Variants in NTRK2 observed in about 807,000 individuals in gnomAD.
The protein encoded by NTRK2 is neurotrophic receptor tyrosine kinase 2.
In NTRK2, 13 loss-of-function variants were observed where a neutral mutation model predicts 94.5. The observed-to-expected ratio is 0.14, with a 90% confidence interval of 0.09 to 0.22. The LOEUF is 0.22. Ranked by LOEUF, NTRK2 falls within the 10% of genes least tolerant of loss-of-function variation. NTRK2 has a pLI of 1.00. For synonymous variants in NTRK2, 372 were observed against 407.4 expected, an observed-to-expected ratio of 0.91 and a Z score of 1.05; for missense variants, 639 against 1,071.2, an observed-to-expected ratio of 0.60 and a Z score of 5.63.
chr9:84,811,460 A>G (rs2071778342), intron 12 of NTRK2: 1 of 1,065,572 alleles, frequency 9.4e-7, no homozygotes, highest in Admixed American at 5.3e-5. Flanking sequence ...GCCCTTTTTT[A>G]TTTGCCCTCT....
intron 15 of NTRK2, among the ~76,000 whole-genome samples, chr9:84,939,826 T>C (rs903087668): frequency 5.9e-5 from 9 of 152,138 alleles, no homozygotes; most frequent in Non-Finnish European, 1.5e-5. Context: ...GAATGAACGA[T>C]TCTCTTTCTC....
chr9:84,929,127 A>G (rs1484049421), intron 14 of NTRK2, among the ~76,000 whole-genome samples: 1 of 152,212 alleles, frequency 6.6e-6, no homozygotes, highest in Non-Finnish European at 1.5e-5. Flanking sequence ...TACTTTATCT[A>G]TTGCCTGTGT....
chr9:84,698,530 A>G (rs949504569), intron 2 of NTRK2, among the ~76,000 whole-genome samples: 2 of 152,172 alleles, frequency 1.3e-5, no homozygotes, highest in African/African-American at 4.8e-5. Context: ...TTGAGTCCAT[A>G]TGTGAGAACT....
intron 17 of NTRK2, among the ~76,000 whole-genome samples, chr9:85,013,327 G>A (rs1305392720): frequency 6.6e-6 from 1 of 152,098 alleles, no homozygotes; most frequent in Non-Finnish European, 1.5e-5. Context: ...TTCTGAGATG[G>A]AGTCTCACTC....
chr9:84,929,514 T>A lies in NTRK2; in HGVS notation c.1634-4648T>A, dbSNP rs12001451. The stretch of plus-strand genomic sequence containing the variant: ...TTTTTTTTAAATTAAGTGATTGTTT[T>A]GAGTTTTCCTTCAAATCTAGGAAGT... On this transcript the variant is annotated intron_variant, in intron 14 of 18. Coordinates refer to ENST00000277120, the MANE Select transcript of NTRK2 (RefSeq NM_006180.6). Among the ~76,000 whole-genome samples the A allele has an allele frequency of 8.6e-3, 1,302 of 152,280 alleles. 12 individuals carry two copies. Among genetic ancestry groups the A allele is most frequent in the African/African-American group, 0.03 (1,243 of 41,554 alleles).
intron 17 of NTRK2, among the ~76,000 whole-genome samples, chr9:84,989,257 A>T (rs1303878443): frequency 9.2e-5 from 14 of 152,174 alleles, no homozygotes. Context: ...CTTCTCTGAA[A>T]ATTATCTCTT....
At chr9:84,760,465 A>G (rs2065455984) in intron 12 of NTRK2, among the ~76,000 whole-genome samples, 1 of 152,326 alleles carries the variant, frequency 6.6e-6, no homozygotes, top group Admixed American at 6.5e-5. Context: ...TTCCAGGTTT[A>G]TTAGTTGAGT....
intron 12 of NTRK2, among the ~76,000 whole-genome samples, chr9:84,821,211 T>C (rs559686849): frequency 6.6e-6 from 1 of 152,352 alleles, no homozygotes; most frequent in Non-Finnish European, 1.5e-5. Flanking sequence ...TTGTCTTTTC[T>C]TTAATTTTCA....
chr9:84,836,013 C>T (rs979646570), intron 12 of NTRK2, among the ~76,000 whole-genome samples: 1 of 152,032 alleles, frequency 6.6e-6, no homozygotes, highest in African/African-American at 2.4e-5. Flanking sequence ...AATGCTAGAT[C>T]CCATCACATT....
At chr9:84,750,820 C>T (rs1203036732) in intron 11 of NTRK2, among the ~76,000 whole-genome samples, 3 of 152,136 alleles carry the variant, frequency 2.0e-5, no homozygotes, top group South Asian at 2.1e-4. Context: ...CACATAGTGC[C>T]GCTGACAACT....
chr9:84,832,833 G>A (rs555981037), intron 12 of NTRK2, among the ~76,000 whole-genome samples: 18 of 152,234 alleles, frequency 1.2e-4, no homozygotes, highest in Non-Finnish European at 2.2e-4. Context: ...TGTTTGAATC[G>A]CAGGGAGGAG....
intron 12 of NTRK2, among the ~76,000 whole-genome samples, chr9:84,797,939 AAT>A (rs991356433): frequency 7.2e-6 from 1 of 138,582 alleles, no homozygotes; most frequent in Admixed American, 8.3e-5. Flanking sequence ...CTATTAGTAA[AAT>A]ATATAAAGTA....
intron 15 of NTRK2, among the ~76,000 whole-genome samples, chr9:84,939,295 G>A (rs1038970895): frequency 6.6e-6 from 1 of 152,074 alleles, no homozygotes; most frequent in Non-Finnish European, 1.5e-5. Context: ...CCACCATTTT[G>A]CCAATGAAGA....
rs572667201 is a variant in NTRK2 at position 84,773,201 on chromosome 9, A to G, written c.1396+21116A>G. 5.3e-5 allele frequency among the ~76,000 whole-genome samples: 8 copies of G among 152,316 alleles called. No individual in the cohort carries two copies. The South Asian group carries it at 1.7e-3, about 32-fold the overall frequency. ...GTTTTAATGGACTGTAAATGCTTGC[A>G]TGGGCATGCTTGTTAAATGACTAAT... is the stretch of plus-strand genomic sequence containing the variant. On this transcript the variant is annotated intron_variant, in intron 12 of 18. Transcript: ENST00000277120.
intron 2 of NTRK2, among the ~76,000 whole-genome samples, chr9:84,677,495 C>T (rs776360381): frequency 3.3e-5 from 5 of 152,056 alleles, no homozygotes; most frequent in East Asian, 1.9e-4. Context: ...TCCCATGGGA[C>T]GTGAAGGGCC....
intron 12 of NTRK2, chr9:84,813,797 T>G: frequency 1.9e-6 from 2 of 1,065,932 alleles, no homozygotes; most frequent in African/African-American, 1.6e-5. Flanking sequence ...CCCAGTCAGG[T>G]GCTGCCAGGT....
chr9:84,888,462 A>C (rs1022306352), intron 14 of NTRK2, among the ~76,000 whole-genome samples: 2 of 151,444 alleles, frequency 1.3e-5, no homozygotes, highest in Non-Finnish European at 2.9e-5. Context: ...TACACAAAAA[A>C]ATTAGCTGGG....
chr9:84,742,952 C>T (rs2063777265), intron 10 of NTRK2, among the ~76,000 whole-genome samples: 1 of 151,336 alleles, frequency 6.6e-6, no homozygotes, highest in Non-Finnish European at 1.5e-5. Flanking sequence ...AAGCACGTGC[C>T]ACCACACTCG....
chr9:84,985,353 T>G (rs961767211), intron 17 of NTRK2, among the ~76,000 whole-genome samples: 3 of 152,228 alleles, frequency 2.0e-5, no homozygotes, highest in Admixed American at 2.0e-4. Flanking sequence ...CAAACTCCTC[T>G]GGGCACGTTA....
Sources: allele counts gnomAD v4.1 joint callset (sites outside exome capture counted in the v4.1 genomes callset), GRCh38; gene constraint gnomAD v4.1.1; transcripts MANE v1.5; gene names NCBI Gene and HGNC (gene_info 2026-07-23, HGNC 2026-07-21).